NTRK3: variants seen among roughly 807,000 people sequenced by gnomAD.
NTRK3 encodes neurotrophic receptor tyrosine kinase 3, also known as NT-3 growth factor receptor.
Under a neutral mutation model 91.7 loss-of-function variants are expected in NTRK3, and 24 were observed. The observed-to-expected ratio is 0.26, with a 90% CI of 0.19 to 0.37. The LOEUF (loss-of-function observed/expected upper bound fraction) is 0.37. NTRK3 is among the 10% of genes least tolerant of loss of function. The probability of loss-of-function intolerance (pLI) is 1.00; values close to 1 mark genes in which losing one functional copy is unlikely to be tolerated. For missense variants in NTRK3, 880 were observed against 1,068.9 expected (o/e 0.82, Z 2.46); for synonymous variants, 483 against 404.0 (o/e 1.20, Z -2.34).
chr15:88,145,257 C>T (rs2042781811), intron 6 of NTRK3, among the ~76,000 whole-genome samples: 1 of 152,188 alleles, frequency 6.6e-6, no homozygotes, highest in African/African-American at 2.4e-5. Context: ...CACGCGGCCC[C>T]TCCAGCCAAA....
chr15:87,991,179 T>C (rs1456949506), intron 14 of NTRK3, among the ~76,000 whole-genome samples: 4 of 152,186 alleles, frequency 2.6e-5, no homozygotes, highest in African/African-American at 9.7e-5. Context: ...CCTTTCTTTC[T>C]GTTGGCTTCT....
intron 17 of NTRK3, among the ~76,000 whole-genome samples, chr15:87,898,823 TAAAA>T (rs34425235): frequency 1.9e-5 from 2 of 103,960 alleles, no homozygotes; most frequent in East Asian, 5.6e-4. Flanking sequence ...CTGTCTCTAC[TAAAA>T]AAAAAAAAAA....
At chr15:88,172,117 T>C (rs971736400) in intron 5 of NTRK3, among the ~76,000 whole-genome samples, 21 of 152,078 alleles carry the variant, frequency 1.4e-4, no homozygotes, top group Non-Finnish European at 2.4e-4. Flanking sequence ...TCACCTAGAA[T>C]ACCACCCAGA....
intron 13 of NTRK3, among the ~76,000 whole-genome samples, chr15:88,094,790 T>C (rs2049412077): frequency 6.6e-6 from 1 of 152,214 alleles, no homozygotes; most frequent in African/African-American, 2.4e-5. Context: ...ACACTTGATT[T>C]ACTCCCAGGG....
chr15:87,980,559 G>C (rs2074163263), intron 14 of NTRK3, among the ~76,000 whole-genome samples: 1 of 152,196 alleles, frequency 6.6e-6, no homozygotes, highest in Non-Finnish European at 1.5e-5. Context: ...GTGTATGTGT[G>C]TGTGAATATG....
At chr15:88,072,513 C>T (rs904614425) in intron 13 of NTRK3, 4 of 232,044 alleles carry the variant, frequency 1.7e-5, no homozygotes, top group South Asian at 1.8e-4. Context: ...TTCTTCTTTC[C>T]GTTGTTGTTT....
intron 3 of NTRK3, among the ~76,000 whole-genome samples, chr15:88,242,388 T>C (rs1382230336): frequency 6.6e-6 from 1 of 152,232 alleles, no homozygotes; most frequent in Non-Finnish European, 1.5e-5. Flanking sequence ...TCTAGAATTT[T>C]CAAAACTCCA....
At chr15:88,239,883 C>G (rs1397807904) in intron 3 of NTRK3, among the ~76,000 whole-genome samples, 1 of 152,138 alleles carries the variant, frequency 6.6e-6, no homozygotes, top group South Asian at 2.1e-4. Context: ...GTCCTGGACT[C>G]GATGCGAATT....
intron 13 of NTRK3, among the ~76,000 whole-genome samples, chr15:88,109,067 T>C (rs1390002274): frequency 6.6e-6 from 1 of 152,220 alleles, no homozygotes; most frequent in Non-Finnish European, 1.5e-5. Context: ...ATGCTCCCAT[T>C]TCTAGTCAGC....
intron 17 of NTRK3, among the ~76,000 whole-genome samples, chr15:87,905,354 T>C (rs950246408): frequency 6.6e-6 from 1 of 152,206 alleles, no homozygotes; most frequent in Non-Finnish European, 1.5e-5. Flanking sequence ...TTCTTTACTT[T>C]GTTGTAGCAG....
At chr15:87,971,850 AG>A (rs2073280792) in intron 14 of NTRK3, among the ~76,000 whole-genome samples, 2 of 152,210 alleles carry the variant, frequency 1.3e-5, no homozygotes, top group African/African-American at 4.8e-5. Flanking sequence ...TTTTAAGAGA[AG>A]TGCGTTTTTG....
At chr15:88,254,776 A>G (rs2053829124) in intron 3 of NTRK3, among the ~76,000 whole-genome samples, 1 of 152,074 alleles carries the variant, frequency 6.6e-6, no homozygotes, top group Admixed American at 6.5e-5. Flanking sequence ...TCAGCTGCCT[A>G]CCCATTGCTG....
chr15:87,878,590 G>A (rs1190991606), intron 18 of NTRK3, among the ~76,000 whole-genome samples: 1 of 152,172 alleles, frequency 6.6e-6, no homozygotes, highest in East Asian at 1.9e-4. Flanking sequence ...AAGATCAAAG[G>A]CACCTGGGAG....
At chr15:88,058,803 C>T (rs2045947851) in intron 13 of NTRK3, among the ~76,000 whole-genome samples, 1 of 152,082 alleles carries the variant, frequency 6.6e-6, no homozygotes, top group African/African-American at 2.4e-5. Flanking sequence ...CCAGAAATCT[C>T]AATGTCATTG....
intron 3 of NTRK3, among the ~76,000 whole-genome samples, chr15:88,215,874 T>C (rs2049722277): frequency 6.6e-6 from 1 of 152,218 alleles, no homozygotes; most frequent in Non-Finnish European, 1.5e-5. Flanking sequence ...TAACTCTCTG[T>C]GCTGTTCTTT....
intron 14 of NTRK3, among the ~76,000 whole-genome samples, chr15:87,954,476 G>T (rs1207769864): frequency 6.6e-6 from 1 of 152,102 alleles, no homozygotes; most frequent in Non-Finnish European, 1.5e-5. Context: ...AGATTTTGGA[G>T]CAAACATATA....
At chr15:88,101,661 T>C (rs2050188348) in intron 13 of NTRK3, among the ~76,000 whole-genome samples, 1 of 152,180 alleles carries the variant, frequency 6.6e-6, no homozygotes, top group African/African-American at 2.4e-5. Context: ...ATGTGGCACA[T>C]ATACATCATG....
chr15:87,916,309 A>G (rs113019424), intron 17 of NTRK3: 5,633 of 145,782 alleles, frequency 0.039, 40 homozygotes, highest in Non-Finnish European at 0.056. Flanking sequence ...TTGTCTCAGG[A>G]AAAAAAAAAA....
intron 6 of NTRK3, among the ~76,000 whole-genome samples, chr15:88,141,103 G>T (rs371261494): frequency 6.6e-6 from 1 of 152,270 alleles, no homozygotes; most frequent in African/African-American, 2.4e-5. Flanking sequence ...TGGGATGGGG[G>T]TGAGGCTGGG....
Sources: allele counts gnomAD v4.1 joint callset (sites outside exome capture counted in the v4.1 genomes callset), GRCh38; gene constraint gnomAD v4.1.1; transcripts MANE v1.5; gene names NCBI Gene and HGNC (gene_info 2026-07-23, HGNC 2026-07-21).